CLASP2: variants seen among roughly 807,000 people sequenced by gnomAD.
CLASP2 encodes the protein cytoplasmic linker associated protein 2, also known as CLIP-associating protein 2.
In CLASP2, 47 loss-of-function variants were observed where a neutral mutation model predicts 194.4. The observed-to-expected ratio is 0.24, with a 90% CI of 0.19 to 0.31. CLASP2 has a LOEUF of 0.31. CLASP2 is among the 10% of genes least tolerant of loss of function. The pLI is 1.00. For missense variants in CLASP2, 1,445 were observed against 1,823.6 expected (o/e 0.79, Z 3.78); for synonymous variants, 619 against 633.5 (o/e 0.98, Z 0.34).
intron 10 of CLASP2, among the ~76,000 whole-genome samples, chr3:33,623,700 T>C (rs1258613220): frequency 1.3e-5 from 2 of 152,192 alleles, no homozygotes; most frequent in Non-Finnish European, 2.9e-5. Flanking sequence ...GTATATTCCA[T>C]CTCCTGGATT....
chr3:33,673,093 G>A (rs1297500573), intron 6 of CLASP2, among the ~76,000 whole-genome samples: 9 of 152,098 alleles, frequency 5.9e-5, no homozygotes, highest in African/African-American at 1.4e-4. Context: ...TACAGAGAAC[G>A]CTACAAAGAT....
intron 1 of CLASP2, among the ~76,000 whole-genome samples, chr3:33,704,959 T>C (rs75411082): frequency 0.025 from 3,750 of 152,192 alleles, 70 homozygotes; most frequent in Non-Finnish European, 0.04. Flanking sequence ...TGTAAAATGG[T>C]GCAGCCATTG....
intron 34 of CLASP2, among the ~76,000 whole-genome samples, chr3:33,531,729 C>A (rs764409251): frequency 1.3e-5 from 2 of 152,124 alleles, no homozygotes; most frequent in African/African-American, 4.8e-5. Flanking sequence ...GAGCCAAGAT[C>A]GCGCCATTGC....
chr3:33,669,067 A>G (rs944316501), intron 6 of CLASP2, among the ~76,000 whole-genome samples: 1 of 152,276 alleles, frequency 6.6e-6, no homozygotes, highest in Non-Finnish European at 1.5e-5. Context: ...AACAAAAGAT[A>G]TAAATCAAGA....
rs569660998 is a variant in CLASP2, at chr3:33,621,324, T to C, written c.1181+811A>G. Among the ~76,000 whole-genome samples, 5 of 152,328 alleles carry C rather than the reference T, an allele frequency of 3.3e-5. No individual in the cohort carries two copies. The East Asian group carries it at 9.6e-4, about 29-fold the overall frequency. ...GAGAGCTAGTCATGTTTTAAGTGTA[T>C]TTTTCATGGTTACGTTTTATGGGTT... is the stretch of plus-strand genomic sequence containing the variant. On this transcript the variant is annotated intron_variant, in intron 11 of 38. Transcript: ENST00000682230.
chr3:33,595,554 CTAAG>C (rs747046312), intron 19 of CLASP2, among the ~76,000 whole-genome samples: 2 of 151,994 alleles, frequency 1.3e-5, no homozygotes, highest in Non-Finnish European at 2.9e-5. Context: ...TAAAAAATGA[CTAAG>C]TACAAACATC....
intron 26 of CLASP2, among the ~76,000 whole-genome samples, chr3:33,567,383 T>C (rs6774696): frequency 0.43 from 66,057 of 152,072 alleles, 14,622 homozygotes; most frequent in Admixed American, 0.53. Context: ...AGATTGAATT[T>C]CTACCGTAGT....
chr3:33,613,780 C>G (rs1228298913), intron 12 of CLASP2, among the ~76,000 whole-genome samples: 1 of 152,178 alleles, frequency 6.6e-6, no homozygotes, highest in Non-Finnish European at 1.5e-5. Flanking sequence ...CCCCTAGCTA[C>G]AACAACTATA....
intron 23 of CLASP2, among the ~76,000 whole-genome samples, chr3:33,580,359 C>T (rs1488285185): frequency 2.0e-5 from 3 of 151,966 alleles, no homozygotes; most frequent in East Asian, 3.9e-4. Context: ...GTCAGGAGTT[C>T]GAGACCAGCT....
chr3:33,585,568 T>G lies in CLASP2; in HGVS notation c.2069-648A>C, dbSNP rs149993605. Among the ~76,000 whole-genome samples, 67 of 152,314 alleles carry G rather than the reference T, an allele frequency of 4.4e-4. 1 individual carries two copies. The East Asian group carries it at 0.012, about 27-fold the overall frequency. ...AAAAGGTACAGTAAAAATATAGTAT[T>G]ATAATTTTTTAAAGCTTTATTTCCA... On this transcript the variant is annotated intron_variant, in intron 21 of 38. Transcript: ENST00000682230.
chr3:33,551,198 T>C (rs2059964151), intron 30 of CLASP2, 54 bp downstream of exon 30: 11 of 1,507,984 alleles, frequency 7.3e-6, no homozygotes, highest in Non-Finnish European at 1.0e-5. Flanking sequence ...TGGCAATCCA[T>C]AATAACTGAC....
intron 12 of CLASP2, among the ~76,000 whole-genome samples, chr3:33,618,112 C>G (rs973949032): frequency 1.3e-5 from 2 of 151,354 alleles, no homozygotes; most frequent in Non-Finnish European, 3.0e-5. Flanking sequence ...CCATGCCTGG[C>G]TAATTTTGTA....
chr3:33,512,889 C>T (rs1470959270), intron 36 of CLASP2, among the ~76,000 whole-genome samples: 4 of 152,078 alleles, frequency 2.6e-5, no homozygotes, highest in Non-Finnish European at 5.9e-5. Flanking sequence ...GTTAGGGAGG[C>T]TGAGGCAGGA....
Position 33,696,861 on chromosome 3 carries a change from C to T in CLASP2, c.268G>A (p.Ala90Thr), listed in dbSNP as rs780487910. 14 of 1,582,698 alleles carry T rather than the reference C, an allele frequency of 8.8e-6. No homozygotes were observed. The South Asian group carries it at 1.5e-4, about 17-fold the overall frequency. ...RLSTRFKSYV[A>T]MVIVALIDRM... ...ATAAACAAAGTTAACTTACCCATTGCTACATAGGATTTAAAGCGTGTTGAT... is the reference window on the plus strand; with the variant it reads ...ATAAACAAAGTTAACTTACCCATTGTTACATAGGATTTAAAGCGTGTTGAT... Residue 90 changes from alanine to threonine, a missense_variant, in exon 2 of 39, where the codon GCA (alanine) becomes ACA (threonine). Transcript: ENST00000682230.
intron 1 of CLASP2, among the ~76,000 whole-genome samples, chr3:33,698,426 A>G (rs2092120293): frequency 6.6e-6 from 1 of 152,134 alleles, no homozygotes; most frequent in Admixed American, 6.6e-5. Context: ...CTAAGACTGA[A>G]GCTAGACCAG....
chr3:33,635,896 T>C (rs1209411569), intron 8 of CLASP2, among the ~76,000 whole-genome samples: 2 of 150,952 alleles, frequency 1.3e-5, no homozygotes, highest in African/African-American at 4.9e-5. Flanking sequence ...AAGAGACAAA[T>C]AACACTTCAA....
At chr3:33,557,504 T>C (rs963681651) in intron 29 of CLASP2, among the ~76,000 whole-genome samples, 1 of 152,120 alleles carries the variant, frequency 6.6e-6, no homozygotes. Context: ...CCTGAGTAGC[T>C]AGGACTATAG....
At chr3:33,531,815 T>C (rs910699537) in intron 34 of CLASP2, among the ~76,000 whole-genome samples, 3 of 152,012 alleles carry the variant, frequency 2.0e-5, no homozygotes, top group Admixed American at 6.6e-5. Context: ...TACAATGGGA[T>C]ATCGCCACAC....
intron 34 of CLASP2, among the ~76,000 whole-genome samples, chr3:33,531,409 A>G (rs2056256763): frequency 1.3e-5 from 2 of 152,206 alleles, no homozygotes; most frequent in South Asian, 4.1e-4. Flanking sequence ...TTTTCCAAAG[A>G]TGGTAATCAA....
Sources: allele counts gnomAD v4.1 joint callset (sites outside exome capture counted in the v4.1 genomes callset), GRCh38; gene constraint gnomAD v4.1.1; transcripts MANE v1.5; gene names NCBI Gene and HGNC (gene_info 2026-07-23, HGNC 2026-07-21).